Variants in PLXDC2 observed in about 807,000 individuals in gnomAD.
The protein encoded by PLXDC2 is plexin domain containing 2, also known as plexin domain-containing protein 2.
Under a neutral mutation model 68.9 loss-of-function variants are expected in PLXDC2, and 40 were observed. The ratio of observed to expected loss-of-function variants is 0.58; its 90% CI spans 0.45 to 0.76. PLXDC2 has a LOEUF of 0.76. Among genes scored for constraint, PLXDC2 ranks in the 30% least tolerant of loss-of-function variants. The pLI is 0.00. For synonymous variants in PLXDC2, 243 were observed against 234.2 expected, an observed-to-expected ratio of 1.04 and a Z score of -0.34; for missense variants, 644 against 661.9, an observed-to-expected ratio of 0.97 and a Z score of 0.30.
chr10:20,220,765 A>C (rs903192543), intron 12 of PLXDC2, among the ~76,000 whole-genome samples: 15 of 151,708 alleles, frequency 9.9e-5, no homozygotes, highest in Non-Finnish European at 2.9e-5. Flanking sequence ...TTGAGAGAAC[A>C]TGCATCCTGA....
chr10:19,883,347 G>A (rs896880846), intron 1 of PLXDC2, among the ~76,000 whole-genome samples: 1 of 152,164 alleles, frequency 6.6e-6, no homozygotes, highest in Non-Finnish European at 1.5e-5. Context: ...TGTTTAGTTA[G>A]CTATAAGGTA....
At chr10:19,835,657 G>T (rs1027787211) in intron 1 of PLXDC2, among the ~76,000 whole-genome samples, 2 of 152,172 alleles carry the variant, frequency 1.3e-5, no homozygotes, top group African/African-American at 4.8e-5. Flanking sequence ...AGCTGGTCTG[G>T]GAAGGGGAAA....
chr10:19,844,071 A>T (rs556689132), intron 1 of PLXDC2, among the ~76,000 whole-genome samples: 1 of 152,316 alleles, frequency 6.6e-6, no homozygotes, highest in East Asian at 1.9e-4. Context: ...TATCTAAATA[A>T]ATAAAAATGG....
intron 1 of PLXDC2, among the ~76,000 whole-genome samples, chr10:19,877,667 G>A (rs1262346013): frequency 1.3e-5 from 2 of 152,226 alleles, no homozygotes; most frequent in African/African-American, 2.4e-5. Context: ...TGGCACCGGC[G>A]TTCCCGAATG....
At chr10:19,869,854 G>C (rs543180026) in intron 1 of PLXDC2, among the ~76,000 whole-genome samples, 5 of 152,022 alleles carry the variant, frequency 3.3e-5, no homozygotes, top group African/African-American at 1.2e-4. Context: ...TTATTGGTTA[G>C]AAAACAAGTG....
chr10:19,955,157 C>G (rs1253391154), intron 1 of PLXDC2, among the ~76,000 whole-genome samples: 1 of 142,380 alleles, frequency 7.0e-6, no homozygotes, highest in East Asian at 2.1e-4. Flanking sequence ...TTCTGAGTAG[C>G]TGGGACTATC....
intron 2 of PLXDC2, among the ~76,000 whole-genome samples, chr10:20,004,355 A>G (rs1049195355): frequency 5.9e-5 from 9 of 152,180 alleles, no homozygotes; most frequent in African/African-American, 2.2e-4. Context: ...TATCTATAAG[A>G]GGCTATTCTG....
chr10:19,910,903 G>A lies in PLXDC2; in HGVS notation c.113-90872G>A, dbSNP rs527677200. The stretch of plus-strand genomic sequence containing the variant: ...CAGGTGCCTGTAATCCCAGTTACTT[G>A]GGAGGCTGAGGCAGAGAATCGCTTG... On this transcript the variant is annotated intron_variant, in intron 1 of 13. Coordinates refer to ENST00000377252, the MANE Select transcript of PLXDC2 (RefSeq NM_032812.9). Among the ~76,000 whole-genome samples the A allele has an allele frequency of 2.4e-4, 37 of 152,152 alleles. 1 individual carries two copies. The East Asian group carries it at 6.6e-3, about 27-fold the overall frequency.
chr10:20,228,525 G>A (rs995715306), intron 12 of PLXDC2, among the ~76,000 whole-genome samples: 1 of 151,590 alleles, frequency 6.6e-6, no homozygotes, highest in Non-Finnish European at 1.5e-5. Flanking sequence ...TTGCACCACT[G>A]CACTCCAGCC....
intron 12 of PLXDC2, among the ~76,000 whole-genome samples, chr10:20,233,842 G>T (rs984713773): frequency 6.6e-6 from 1 of 151,986 alleles, no homozygotes; most frequent in African/African-American, 2.4e-5. Flanking sequence ...TTAGAGGCAG[G>T]CATGGTCTAA....
At chr10:20,241,742 G>T (rs1237073111) in intron 12 of PLXDC2, among the ~76,000 whole-genome samples, 4 of 152,092 alleles carry the variant, frequency 2.6e-5, no homozygotes, top group Non-Finnish European at 5.9e-5. Flanking sequence ...TCACACCACA[G>T]CACTCCAGCC....
chr10:20,005,461 C>T (rs1046466247), intron 2 of PLXDC2, among the ~76,000 whole-genome samples: 1 of 152,132 alleles, frequency 6.6e-6, no homozygotes. Context: ...GGAAAGTGTA[C>T]TAGGCCATTT....
chr10:20,125,043 G>A (rs182063786), intron 4 of PLXDC2, among the ~76,000 whole-genome samples: 1 of 152,238 alleles, frequency 6.6e-6, no homozygotes, highest in East Asian at 1.9e-4. Context: ...ATTGCAGTTG[G>A]CATTTGGATA....
intron 10 of PLXDC2, among the ~76,000 whole-genome samples, chr10:20,214,943 A>G (rs371714764): frequency 6.6e-6 from 1 of 152,212 alleles, no homozygotes; most frequent in African/African-American, 2.4e-5. Flanking sequence ...TGGTCAATAG[A>G]TGACTTTTTG....
intron 3 of PLXDC2, among the ~76,000 whole-genome samples, chr10:20,061,321 A>T: frequency 6.6e-6 from 1 of 152,198 alleles, no homozygotes; most frequent in South Asian, 2.1e-4. Context: ...GACACACTTA[A>T]AGAGTATTGG....
chr10:19,960,929 A>AGTT (rs1362998003), intron 1 of PLXDC2, among the ~76,000 whole-genome samples: 6 of 152,336 alleles, frequency 3.9e-5, no homozygotes, highest in African/African-American at 1.4e-4. Context: ...TAAGTGTAGC[A>AGTT]GTTGTTTTAG....
intron 13 of PLXDC2, among the ~76,000 whole-genome samples, chr10:20,265,865 G>A (rs1835865724): frequency 6.6e-6 from 1 of 152,178 alleles, no homozygotes; most frequent in Admixed American, 6.6e-5. Flanking sequence ...TTTAAGCCAA[G>A]GCTTTTGACA....
rs747306325 is a variant in PLXDC2, at chr10:20,140,009, A to T, written c.542-3286A>T. Among the ~76,000 whole-genome samples, 82 of 152,232 alleles carry T rather than the reference A, an allele frequency of 5.4e-4. 1 individual carries two copies. Among genetic ancestry groups the T allele is most frequent in the Non-Finnish European group, 1.1e-3 (74 of 68,016 alleles). Reference sequence around the variant, plus strand: ...CCCAGAACTTGAAGTATAATAATAAAAATTAAAACGGCCAGGCGTGGTGGC... The same window carrying T: ...CCCAGAACTTGAAGTATAATAATAATAATTAAAACGGCCAGGCGTGGTGGC... On this transcript the variant is annotated intron_variant, in intron 4 of 13. Transcript: ENST00000377252.
chr10:19,831,504 G>A (rs571556427), intron 1 of PLXDC2, among the ~76,000 whole-genome samples: 1 of 151,896 alleles, frequency 6.6e-6, no homozygotes, highest in African/African-American at 2.4e-5. Context: ...GTGCCACAGG[G>A]GTTTGCTGTA....
Sources: allele counts gnomAD v4.1 joint callset (sites outside exome capture counted in the v4.1 genomes callset), GRCh38; gene constraint gnomAD v4.1.1; transcripts MANE v1.5; gene names NCBI Gene and HGNC (gene_info 2026-07-23, HGNC 2026-07-21).